The following SLC35F4 variants were observed in gnomAD, a reference collection of about 807,000 sequenced individuals.
SLC35F4 encodes the protein chromosome 14 open reading frame 36.
Under a neutral mutation model 44.2 loss-of-function variants are expected in SLC35F4, and 24 were observed. The observed-to-expected ratio is 0.54, with a 90% CI of 0.39 to 0.76. The LOEUF (loss-of-function observed/expected upper bound fraction) is 0.76, where lower values mean the gene tolerates loss of function less well. Among genes scored for constraint, SLC35F4 ranks in the 30% least tolerant of loss-of-function variants. The pLI is 0.00. For synonymous variants in SLC35F4, 238 were observed against 223.6 expected, an observed-to-expected ratio of 1.06 and a Z score of -0.57; for missense variants, 562 against 586.1, an observed-to-expected ratio of 0.96 and a Z score of 0.42.
chr14:57,959,899 G>C (rs1242273963), intron 1 of SLC35F4, among the ~76,000 whole-genome samples: 1 of 152,066 alleles, frequency 6.6e-6, no homozygotes, highest in East Asian at 1.9e-4. Context: ...TCCTGGTCAG[G>C]CAGCATTGAA....
intron 1 of SLC35F4, among the ~76,000 whole-genome samples, chr14:57,698,443 A>T (rs2075444264): frequency 6.6e-6 from 1 of 152,104 alleles, no homozygotes; most frequent in Non-Finnish European, 1.5e-5. Context: ...TTTGTTTTTT[A>T]ATTCATTTAC....
chr14:57,863,095 G>T (rs949367819), intron 1 of SLC35F4, among the ~76,000 whole-genome samples: 4 of 151,996 alleles, frequency 2.6e-5, no homozygotes, highest in Non-Finnish European at 5.9e-5. Flanking sequence ...TTGAACTCCC[G>T]GCCTCAAGCA....
intron 1 of SLC35F4, among the ~76,000 whole-genome samples, chr14:57,899,709 G>T (rs900227805): frequency 2.0e-5 from 3 of 152,114 alleles, no homozygotes; most frequent in African/African-American, 7.2e-5. Flanking sequence ...CTGTCTCTGG[G>T]CCCCACTTTT....
intron 5 of SLC35F4, among the ~76,000 whole-genome samples, chr14:57,570,602 G>A (rs997683074): frequency 1.3e-5 from 2 of 152,158 alleles, no homozygotes; most frequent in African/African-American, 2.4e-5. Flanking sequence ...AGATTACAGA[G>A]AAAGCCAGGG....
chr14:57,639,513 T>C (rs1398396626), intron 1 of SLC35F4, among the ~76,000 whole-genome samples: 1 of 152,016 alleles, frequency 6.6e-6, no homozygotes, highest in Non-Finnish European at 1.5e-5. Context: ...ACAAGAGCCA[T>C]GGGCTCTGTA....
chr14:57,976,715 T>C (rs1232404082), downstream of SLC35F4: 1 of 152,142 alleles, frequency 6.6e-6, no homozygotes, highest in Non-Finnish European at 1.5e-5. Flanking sequence ...CTAGAACAAA[T>C]CAACTCAGCC....
At chr14:57,689,481 CA>C (rs1566765600) in intron 1 of SLC35F4, among the ~76,000 whole-genome samples, 1 of 152,108 alleles carries the variant, frequency 6.6e-6, no homozygotes, top group East Asian at 1.9e-4. Flanking sequence ...GCAGGAAGAA[CA>C]AAAAAACCCT....
chr14:57,966,855 C>T (rs1241368317), intron 1 of SLC35F4, among the ~76,000 whole-genome samples: 1 of 151,968 alleles, frequency 6.6e-6, no homozygotes, highest in Non-Finnish European at 1.5e-5. Flanking sequence ...ACTAAAAATA[C>T]AAAAATCAGC....
intron 1 of SLC35F4, among the ~76,000 whole-genome samples, chr14:57,946,475 T>C (rs1001159352): frequency 5.1e-5 from 7 of 138,408 alleles, no homozygotes; most frequent in East Asian, 2.0e-4. Flanking sequence ...TTTTCTTTTT[T>C]TTTTTTTTTT....
intron 1 of SLC35F4, among the ~76,000 whole-genome samples, chr14:57,649,977 T>A (rs2140195866): frequency 6.6e-6 from 1 of 152,202 alleles, no homozygotes; most frequent in South Asian, 2.1e-4. Flanking sequence ...ACTGGGTATA[T>A]TGGACCTTTC....
At chr14:57,779,810 T>A (rs762558176) in intron 1 of SLC35F4, among the ~76,000 whole-genome samples, 26 of 152,168 alleles carry the variant, frequency 1.7e-4, no homozygotes, top group South Asian at 6.2e-4. Context: ...CTTCATTGCA[T>A]AAACAGAACT....
intron 1 of SLC35F4, among the ~76,000 whole-genome samples, chr14:57,753,258 T>G (rs1224856568): frequency 1.3e-5 from 2 of 152,162 alleles, no homozygotes; most frequent in Admixed American, 1.3e-4. Context: ...CCGCTATCAC[T>G]AGGACTCCTC....
At chr14:57,932,339 G>A (rs751512149) in intron 1 of SLC35F4, among the ~76,000 whole-genome samples, 28 of 152,130 alleles carry the variant, frequency 1.8e-4, no homozygotes, top group Admixed American at 1.3e-4. Flanking sequence ...CACCTGCTTC[G>A]AATCATAATC....
At chr14:57,839,797 C>T (rs1885316155) in intron 1 of SLC35F4, among the ~76,000 whole-genome samples, 1 of 152,124 alleles carries the variant, frequency 6.6e-6, no homozygotes, top group African/African-American at 2.4e-5. Context: ...CAGGACACAG[C>T]TCCAGGGACC....
At chr14:57,765,842 T>C (rs2077222448) in intron 1 of SLC35F4, among the ~76,000 whole-genome samples, 1 of 152,164 alleles carries the variant, frequency 6.6e-6, no homozygotes, top group Non-Finnish European at 1.5e-5. Flanking sequence ...CTCTAAAAGT[T>C]TGAGAACTTA....
chr14:57,889,206 G>T (rs1386010651), intron 1 of SLC35F4, among the ~76,000 whole-genome samples: 1 of 152,198 alleles, frequency 6.6e-6, no homozygotes, highest in African/African-American at 2.4e-5. Flanking sequence ...CTCAGAAACT[G>T]TAGTTAATGT....
intron 1 of SLC35F4, among the ~76,000 whole-genome samples, chr14:57,850,967 T>C (rs1886506426): frequency 6.6e-6 from 1 of 152,214 alleles, no homozygotes; most frequent in South Asian, 2.1e-4. Flanking sequence ...AAATCTGGCA[T>C]TTCTTGAAAC....
chr14:57,650,305 T>C (rs760383523), intron 1 of SLC35F4, among the ~76,000 whole-genome samples: 4 of 152,054 alleles, frequency 2.6e-5, no homozygotes, highest in Admixed American at 6.6e-5. Context: ...TACTGGAATG[T>C]TTAATATTAT....
intron 1 of SLC35F4, among the ~76,000 whole-genome samples, chr14:57,628,882 A>G (rs906539359): frequency 6.6e-6 from 1 of 152,114 alleles, no homozygotes; most frequent in Non-Finnish European, 1.5e-5. Context: ...TGCCAATTGT[A>G]TACGTAGAAA....
Sources: allele counts gnomAD v4.1 joint callset (sites outside exome capture counted in the v4.1 genomes callset), GRCh38; gene constraint gnomAD v4.1.1; transcripts MANE v1.5; gene names NCBI Gene and HGNC (gene_info 2026-07-23, HGNC 2026-07-21).